Variants in ARHGAP10 observed in about 807,000 individuals in gnomAD.
The protein encoded by ARHGAP10 is rho GTPase-activating protein 10.
A neutral mutation model predicts 108.6 loss-of-function variants in ARHGAP10; 87 were observed. The observed-to-expected ratio is 0.80, with a 90% CI of 0.67 to 0.96. ARHGAP10 has a LOEUF of 0.96. Among genes scored for constraint, ARHGAP10 ranks in the 40% least tolerant of loss-of-function variants. The pLI, the probability that ARHGAP10 is intolerant of heterozygous loss-of-function variation, is 0.00. For missense variants in ARHGAP10, 939 were observed against 954.5 expected (o/e 0.98, Z 0.21); for synonymous variants, 347 against 341.1 (o/e 1.02, Z -0.19).
At chr4:147,853,875 T>C (rs13121312) in intron 4 of ARHGAP10, among the ~76,000 whole-genome samples, 1 of 152,194 alleles carries the variant, frequency 6.6e-6, no homozygotes, top group African/African-American at 2.4e-5. Context: ...TCAATCCATC[T>C]GGAATTAATT....
chr4:147,803,648 T>G (rs188549350), intron 1 of ARHGAP10, among the ~76,000 whole-genome samples: 1 of 152,280 alleles, frequency 6.6e-6, no homozygotes, highest in East Asian at 1.9e-4. Context: ...GAGGTCAACT[T>G]TATTGGCCCA....
At chr4:147,974,746 A>G (rs1487539267) in intron 18 of ARHGAP10, among the ~76,000 whole-genome samples, 1 of 152,120 alleles carries the variant, frequency 6.6e-6, no homozygotes, top group Non-Finnish European at 1.5e-5. Context: ...CATACCCAAG[A>G]CTGGGAAATT....
intron 1 of ARHGAP10, among the ~76,000 whole-genome samples, chr4:147,739,059 C>T (rs1054936034): frequency 3.3e-5 from 5 of 151,510 alleles, no homozygotes; most frequent in African/African-American, 1.2e-4. Context: ...TGGTGGCAGG[C>T]GCCTGTAATC....
chr4:147,773,686 C>T (rs1053888501), intron 1 of ARHGAP10, among the ~76,000 whole-genome samples: 3 of 152,160 alleles, frequency 2.0e-5, no homozygotes, highest in African/African-American at 7.2e-5. Context: ...AAAAAGCATG[C>T]ACTCTGTGTA....
intron 1 of ARHGAP10, among the ~76,000 whole-genome samples, chr4:147,819,255 C>T (rs1279168400): frequency 6.6e-6 from 1 of 152,062 alleles, no homozygotes; most frequent in Non-Finnish European, 1.5e-5. Context: ...AATAATGAAA[C>T]AGCTCCAATG....
At chr4:148,068,191 G>A (rs1341660985) in intron 22 of ARHGAP10, among the ~76,000 whole-genome samples, 1 of 152,172 alleles carries the variant, frequency 6.6e-6, no homozygotes, top group Admixed American at 6.5e-5. Context: ...CAGGGGCAGG[G>A]TTGGGAGGGG....
intron 13 of ARHGAP10, among the ~76,000 whole-genome samples, chr4:147,918,559 G>A (rs4027114): frequency 0.13 from 19,989 of 152,064 alleles, 2,993 homozygotes; most frequent in African/African-American, 0.36. Context: ...TATGACTACT[G>A]GAAAATGTAT....
chr4:147,877,819 C>CTTTTTT (rs549355620), intron 8 of ARHGAP10, among the ~76,000 whole-genome samples: 27 of 131,462 alleles, frequency 2.1e-4, no homozygotes, highest in Middle Eastern at 3.7e-3. Context: ...ATTCTTCATA[C>CTTTTTT]TTTTTTTTTT....
chr4:148,056,118 C>T (rs1345845065), intron 20 of ARHGAP10, among the ~76,000 whole-genome samples: 2 of 152,216 alleles, frequency 1.3e-5, no homozygotes, highest in African/African-American at 4.8e-5. Context: ...TTGCAGAAGG[C>T]CTGCCAAGCT....
At chr4:147,872,083 C>T (rs1734845249) in intron 7 of ARHGAP10, among the ~76,000 whole-genome samples, 1 of 131,618 alleles carries the variant, frequency 7.6e-6, no homozygotes, top group East Asian at 2.1e-4. Flanking sequence ...GCCTGACCAA[C>T]AGAGTGAGAC....
chr4:148,062,300 G>A (rs1214526891), intron 20 of ARHGAP10, among the ~76,000 whole-genome samples: 1 of 152,226 alleles, frequency 6.6e-6, no homozygotes. Context: ...GAGTGCAGAA[G>A]CCTCGGGAAA....
chr4:147,906,855 T>G (rs1736518095), intron 11 of ARHGAP10, 136 bp downstream of exon 11: 6 of 990,940 alleles, frequency 6.1e-6, no homozygotes, highest in Non-Finnish European at 9.2e-6. Context: ...CGTGGAAGCA[T>G]TCAACATTCT....
chr4:148,047,591 C>G lies in ARHGAP10; in HGVS notation c.2027+540C>G, dbSNP rs565746335. 2.0e-5 allele frequency among the ~76,000 whole-genome samples: 3 copies of G among 152,244 alleles called. No homozygotes were observed. The East Asian group carries it at 5.8e-4, about 29-fold the overall frequency. ...GCAGATCAGCTCAAGTATATTAGGA[C>G]AAATAATATTAATACAAATAAAGTA... On this transcript the variant is annotated intron_variant, in intron 20 of 22. Transcript: ENST00000336498.
chr4:148,024,155 G>T (rs1395604120), intron 19 of ARHGAP10, among the ~76,000 whole-genome samples: 1 of 152,218 alleles, frequency 6.6e-6, no homozygotes, highest in African/African-American at 2.4e-5. Context: ...GGTTATTGGT[G>T]TGGAGAATAA....
intron 1 of ARHGAP10, among the ~76,000 whole-genome samples, chr4:147,796,270 A>G (rs1731313341): frequency 6.6e-6 from 1 of 152,218 alleles, no homozygotes; most frequent in Non-Finnish European, 1.5e-5. Context: ...AATATAATTA[A>G]TCCTTGCCCT....
chr4:147,987,625 G>A (rs1234283624), intron 18 of ARHGAP10, among the ~76,000 whole-genome samples: 1 of 152,212 alleles, frequency 6.6e-6, no homozygotes, highest in African/African-American at 2.4e-5. Flanking sequence ...ATCAGACTGC[G>A]ATCTGAGCTG....
intron 19 of ARHGAP10, among the ~76,000 whole-genome samples, chr4:148,023,977 T>C (rs1741671260): frequency 6.6e-6 from 1 of 152,248 alleles, no homozygotes; most frequent in East Asian, 1.9e-4. Flanking sequence ...TCACGTCCCT[T>C]CCGAGCCATG....
intron 12 of ARHGAP10, among the ~76,000 whole-genome samples, chr4:147,911,547 A>G (rs4240343): frequency 0.16 from 23,775 of 152,118 alleles, 2,350 homozygotes; most frequent in African/African-American, 0.29. Context: ...TATTTTTAGT[A>G]GAGACGGGGT....
chr4:148,025,528 G>C (rs1335431018), intron 19 of ARHGAP10, among the ~76,000 whole-genome samples: 2 of 151,418 alleles, frequency 1.3e-5, no homozygotes, highest in Non-Finnish European at 2.9e-5. Context: ...TGAAAAAATA[G>C]TTATTTCAGA....
Sources: allele counts gnomAD v4.1 joint callset (sites outside exome capture counted in the v4.1 genomes callset), GRCh38; gene constraint gnomAD v4.1.1; transcripts MANE v1.5; gene names NCBI Gene and HGNC (gene_info 2026-07-23, HGNC 2026-07-21).